Variants in ITGB4 observed in about 807,000 individuals in gnomAD.
ITGB4 encodes integrin subunit beta 4.
In ITGB4, 159 loss-of-function variants were observed where a neutral mutation model predicts 207.6. The observed-to-expected ratio is 0.77, with a 90% CI of 0.67 to 0.87. The LOEUF (loss-of-function observed/expected upper bound fraction) is 0.87, where lower values mean the gene tolerates loss of function less well. ITGB4 is among the 40% of genes least tolerant of loss of function. The pLI is 0.00. For synonymous variants in ITGB4, 1,020 were observed against 1,062.7 expected (o/e 0.96, Z 0.78); for missense variants, 2,278 against 2,546.8 (o/e 0.89, Z 2.27).
intron 2 of ITGB4, among the ~76,000 whole-genome samples, chr17:75,725,273 C>T (rs560841260): frequency 4.5e-4 from 69 of 152,300 alleles, no homozygotes; most frequent in African/African-American, 1.5e-3. Context: ...AAACGCTACA[C>T]GTCAAGCACC....
intron 25 of ITGB4, among the ~76,000 whole-genome samples, chr17:75,743,118 G>T: frequency 6.6e-6 from 1 of 152,106 alleles, no homozygotes; most frequent in East Asian, 1.9e-4. Flanking sequence ...CCTCAGGCCT[G>T]TTCCTGCTCT....
Position 75,739,861 on chromosome 17 carries a change from T to C in ITGB4, c.2255-19T>C. The C allele has an allele frequency of 6.2e-7, 1 of 1,613,292 alleles. No homozygotes were observed. Among genetic ancestry groups the C allele is most frequent in the Non-Finnish European group, 8.5e-7 (1 of 1,179,712 alleles). On this transcript the variant is annotated intron_variant, in intron 19 of 39. Coordinates refer to ENST00000200181, the MANE Select transcript of ITGB4 (RefSeq NM_000213.5). The surrounding 1 kb of genome is among the most constrained non-coding windows in gnomAD (Gnocchi z 5.4). ...GCGGGTCTAGGGAGGGGTGCCGTGC[T>C]GAGGACCCCATCCTGCAGGTCACAT...
At chr17:75,728,341 G>C (rs148819107) in intron 5 of ITGB4, 36 bp from the exon 6 acceptor site, 41 of 1,590,064 alleles carry the variant, frequency 2.6e-5, no homozygotes, top group African/African-American at 2.1e-4. Flanking sequence ...AGGCATCAGG[G>C]CTCAGCTATC....
Position 75,753,746 on chromosome 17 carries a change from G to T in ITGB4, c.4109-19G>T. 1 of 1,405,688 alleles carries T rather than the reference G, an allele frequency of 7.1e-7. No individual in the cohort carries two copies. Among genetic ancestry groups the T allele is most frequent in the Non-Finnish European group, 9.3e-7 (1 of 1,079,174 alleles). The allele number at this position is 1,405,688 out of a possible 1,614,324, so 87.1% of individuals were successfully genotyped here. ...GGCGCCCCCCGGCGGTGCCAACGCG[G>T]CCCTTCGTTGTTCCCAAGGCTGCGG... On this transcript the variant is annotated intron_variant, in intron 32 of 39. Coordinates refer to ENST00000200181, the MANE Select transcript of ITGB4 (RefSeq NM_000213.5).
At chr17:75,724,979 G>C (rs190887857) in intron 2 of ITGB4, among the ~76,000 whole-genome samples, 197 bp downstream of exon 2, 3 of 152,350 alleles carry the variant, frequency 2.0e-5, no homozygotes, top group Admixed American at 1.3e-4. Context: ...TGACCACGGG[G>C]CCTGAGAATA....
At position 75,750,481 on chromosome 17, in the gene ITGB4, G is replaced by A. The variant is rs1422849268; in HGVS notation, c.3475-199G>A. On this transcript the variant is annotated intron_variant, in intron 28 of 39. Coordinates refer to ENST00000200181, the MANE Select transcript of ITGB4 (RefSeq NM_000213.5). The surrounding 1 kb of genome is among the most constrained non-coding windows in gnomAD (Gnocchi z 5.5). ...ACATTTGCCCTCCTTCCTAGAATGGGGCCCCCTCCCACCCCCGCATGGGAG... is the reference window on the plus strand; with the variant it reads ...ACATTTGCCCTCCTTCCTAGAATGGAGCCCCCTCCCACCCCCGCATGGGAG... Among the ~76,000 whole-genome samples, 1 of 152,144 alleles carries A rather than the reference G, an allele frequency of 6.6e-6. No individual in the cohort carries two copies. The highest frequency in any genetic ancestry group is 1.5e-5 in the Non-Finnish European group (1 of 68,012).
In ITGB4 at chr17:75,731,216, G is replaced by A; in HGVS notation, c.1093-30G>A. 6.2e-7 allele frequency: 1 copy of A among 1,613,108 alleles called. No individual in the cohort carries two copies. The highest frequency in any genetic ancestry group is 8.5e-7 in the Non-Finnish European group (1 of 1,180,012). On this transcript the variant is annotated intron_variant, in intron 9 of 39. Transcript: ENST00000200181. This position sits in a 1 kb window ranked among gnomAD's most constrained non-coding sequence, Gnocchi z 6.8. ...GGGTGGAGCACAGAGGCCCCCCACAGAGCACTGATCAACCTCCTTCCTCCT... is the reference window on the plus strand; with the variant it reads ...GGGTGGAGCACAGAGGCCCCCCACAAAGCACTGATCAACCTCCTTCCTCCT...
chr17:75,737,695 C>G lies in ITGB4; in HGVS notation c.2220+51C>G, dbSNP rs759328358. Reference sequence around the variant, plus strand: ...GCCCCACATCCCAGGGTCCCCACCCCAACAGGGCCCCCACCCTCCACCAGG... The same window carrying G: ...GCCCCACATCCCAGGGTCCCCACCCGAACAGGGCCCCCACCCTCCACCAGG... On this transcript the variant is annotated intron_variant, in intron 18 of 39. Transcript: ENST00000200181. The G allele has an allele frequency of 2.7e-5, 39 of 1,454,704 alleles. No homozygotes were observed. The African/African-American group carries it at 5.0e-4, about 19-fold the overall frequency. The allele number at this position is 1,454,704 out of a possible 1,614,324, so 90.1% of individuals were successfully genotyped here. A position where few individuals can be genotyped will look rare whatever the true frequency, so the allele number is the denominator to read the frequency against.
At chr17:75,754,091 C>T (rs1215522885) in intron 33 of ITGB4, 117 bp downstream of exon 33, 1 of 464,696 alleles carries the variant, frequency 2.2e-6, no homozygotes, top group Non-Finnish European at 3.6e-6. Context: ...AGGCCCGGGC[C>T]TTGGCGGCTG....
rs533275524 is a variant in ITGB4, at chr17:75,745,978, C to T, written c.3111+2117C>T. Among the ~76,000 whole-genome samples the T allele has an allele frequency of 8.1e-4, 123 of 152,354 alleles. 1 individual carries two copies. The highest frequency in any genetic ancestry group is 3.4e-3 in the Middle Eastern group (1 of 294). The stretch of plus-strand genomic sequence containing the variant: ...CATAGGGGAGCGCGTAGTCAGCAGG[C>T]CCGGGCTGCCTGGCCACATCCTAAT... On this transcript the variant is annotated intron_variant, in intron 26 of 39. Coordinates refer to ENST00000200181, the MANE Select transcript of ITGB4 (RefSeq NM_000213.5).
At chr17:75,754,140 G>C (rs1369871677) in intron 33 of ITGB4, among the ~76,000 whole-genome samples, 166 bp downstream of exon 33, 2 of 152,212 alleles carry the variant, frequency 1.3e-5, no homozygotes, top group Non-Finnish European at 2.9e-5. Flanking sequence ...AGTGCCAGGG[G>C]ACGCGTGAGG....
intron 33 of ITGB4, chr17:75,754,360 G>A: frequency 1.6e-6 from 1 of 618,698 alleles, no homozygotes; most frequent in Non-Finnish European, 2.8e-6. Context: ...CCGATAGAGT[G>A]GCCGGCCAGA....
rs1206662471 is a variant in ITGB4 at position 75,757,701 on chromosome 17, C to T, written c.*146C>T. The T allele has an allele frequency of 2.6e-6, 3 of 1,154,374 alleles. No homozygotes were observed. The South Asian group carries it at 3.8e-5, about 15-fold the overall frequency. The allele number at this position is 1,154,374 out of a possible 1,614,324, so 71.5% of individuals were successfully genotyped here. On this transcript the variant is annotated 3_prime_UTR_variant, in exon 40 of 40. Coordinates refer to ENST00000200181, the MANE Select transcript of ITGB4 (RefSeq NM_000213.5). Reference sequence around the variant, plus strand: ...CAGGGGCTAGGTGTCTCCTGGGAGGCATGAAGGGGGCAAGGTCCGTCCTCT... The same window carrying T: ...CAGGGGCTAGGTGTCTCCTGGGAGGTATGAAGGGGGCAAGGTCCGTCCTCT...
At chr17:75,744,910 T>C (rs2061199747) in intron 26 of ITGB4, among the ~76,000 whole-genome samples, 1 of 151,962 alleles carries the variant, frequency 6.6e-6, no homozygotes, top group Non-Finnish European at 1.5e-5. Context: ...ATTACAGGAG[T>C]GAGCTACCAC....
chr17:75,752,187 C>G lies in ITGB4; in HGVS notation c.3807C>G (p.Pro1269=). 2 of 1,613,984 alleles carry G rather than the reference C, an allele frequency of 1.2e-6. No individual in the cohort carries two copies. The highest frequency in any genetic ancestry group is 1.7e-6 in the Non-Finnish European group (2 of 1,180,014). ...TCTCTGCCCCAGGACCTATTGGGCC[C>G]ATGAAGAAAGTGCTGGTTGACAACC... ...LVNDDNRPIG[P]MKKVLVDNPK... The change falls in exon 31 of 40, where the codon CCC becomes CCG. Residue 1269 remains proline, a synonymous_variant. Transcript: ENST00000200181.
intron 33 of ITGB4, among the ~76,000 whole-genome samples, chr17:75,754,290 G>A (rs1172511242): frequency 1.3e-5 from 2 of 152,148 alleles, no homozygotes; most frequent in Non-Finnish European, 2.9e-5. Flanking sequence ...ATCTCCCCAG[G>A]GCAGAGCTGA....
At chr17:75,745,274 A>C (rs539111332) in intron 26 of ITGB4, among the ~76,000 whole-genome samples, 158 of 151,808 alleles carry the variant, frequency 1.0e-3, no homozygotes, top group Non-Finnish European at 1.5e-3. Context: ...ATACTTGTGG[A>C]CCCAGCTACT....
At chr17:75,753,294 C>G (rs538747729) in intron 32 of ITGB4, among the ~76,000 whole-genome samples, 1 of 152,288 alleles carries the variant, frequency 6.6e-6, no homozygotes, top group African/African-American at 2.4e-5. Flanking sequence ...TCAGGTGGAG[C>G]GCAGCTGGTG....
At chr17:75,728,334 C>T (rs1396376446) in intron 5 of ITGB4, 43 bp from the exon 6 acceptor site, 1 of 1,556,312 alleles carries the variant, frequency 6.4e-7, no homozygotes, top group Non-Finnish European at 8.9e-7. Context: ...TTATGCCAGG[C>T]ATCAGGGCTC....
Sources: gnomAD v4.1 joint callset for allele counts (sites outside exome capture counted in the v4.1 genomes callset) on GRCh38, gnomAD v4.1.1 for gene constraint, Gnocchi (gnomAD v3.1) non-coding constraint, MANE v1.5 for transcripts, NCBI Gene and HGNC (gene_info 2026-07-23, HGNC 2026-07-21) for gene names.